GLCCI1: variants seen among roughly 807,000 people sequenced by gnomAD.
The protein encoded by GLCCI1 is glucocorticoid induced 1.
In GLCCI1, 24 loss-of-function variants were observed where a neutral mutation model predicts 52.2. The observed-to-expected ratio is 0.46, with a 90% confidence interval of 0.33 to 0.65. GLCCI1 has a LOEUF of 0.65. Ranked by LOEUF, GLCCI1 falls within the 30% of genes least tolerant of loss-of-function variation. GLCCI1 has a pLI of 0.02. For synonymous variants in GLCCI1, 310 were observed against 276.5 expected, an observed-to-expected ratio of 1.12 and a Z score of -1.20; for missense variants, 704 against 701.5, an observed-to-expected ratio of 1.00 and a Z score of -0.04.
chr7:8,053,532 G>A (rs1460457384), intron 3 of GLCCI1, among the ~76,000 whole-genome samples: 9 of 146,290 alleles, frequency 6.2e-5, no homozygotes, highest in Non-Finnish European at 1.2e-4. Context: ...ATGGGGTTTC[G>A]CCATGTTGGC....
chr7:8,004,862 A>G (rs571657363), intron 2 of GLCCI1, among the ~76,000 whole-genome samples: 2 of 152,320 alleles, frequency 1.3e-5, no homozygotes, highest in East Asian at 3.8e-4. Context: ...GGTTAGGGAA[A>G]TAGAATAATT....
intron 6 of GLCCI1, among the ~76,000 whole-genome samples, chr7:8,077,780 G>A (rs1038918829): frequency 3.9e-5 from 6 of 152,290 alleles, no homozygotes; most frequent in Middle Eastern, 3.4e-3. Context: ...TATTTTGTAG[G>A]AACCTGATTA....
intron 1 of GLCCI1, 54 bp from the exon 2 acceptor site, chr7:8,003,854 C>G: frequency 2.0e-6 from 3 of 1,511,662 alleles, no homozygotes; most frequent in Non-Finnish European, 2.7e-6. Flanking sequence ...AGTTAGATAA[C>G]TTTAAATTTT....
At chr7:8,020,426 C>T (rs1476823) in intron 2 of GLCCI1, among the ~76,000 whole-genome samples, 92,994 of 152,036 alleles carry the variant, frequency 0.61, 29,012 homozygotes, top group African/African-American at 0.74. Flanking sequence ...TCTGAAATAA[C>T]TGAATAAGTT....
chr7:8,035,318 T>C (rs1367014985), intron 3 of GLCCI1, among the ~76,000 whole-genome samples: 2 of 152,164 alleles, frequency 1.3e-5, no homozygotes, highest in African/African-American at 4.8e-5. Context: ...GGAACAGGGT[T>C]CCATCCCAGC....
At chr7:8,085,504 G>A (rs1783086085) in intron 7 of GLCCI1, among the ~76,000 whole-genome samples, 1 of 152,030 alleles carries the variant, frequency 6.6e-6, no homozygotes, top group Non-Finnish European at 1.5e-5. Flanking sequence ...ATTAGAAAAA[G>A]AGGTTCTTGC....
chr7:7,979,331 C>T (rs1326609157), intron 1 of GLCCI1, among the ~76,000 whole-genome samples: 1 of 152,012 alleles, frequency 6.6e-6, no homozygotes, highest in Non-Finnish European at 1.5e-5. Context: ...TTTTAGGTAA[C>T]AAATAGTGGG....
At position 8,089,061 on chromosome 7, in the gene GLCCI1, A is replaced by C. The variant is rs1381406204; in HGVS notation, c.*2523A>C. On this transcript the variant is annotated 3_prime_UTR_variant, in exon 8 of 8. Transcript: ENST00000223145. ...AAGTTCCTGTGTCTTATTTAAATAA[A>C]GTTATTAGTAAAACTGAAATAGTTC... 1 of 152,542 alleles carries C rather than the reference A, an allele frequency of 6.6e-6. No homozygotes were observed. Among genetic ancestry groups the C allele is most frequent in the Non-Finnish European group, 1.5e-5 (1 of 68,048 alleles). The allele number at this position is 152,542 out of a possible 1,614,324, so 9.4% of individuals were successfully genotyped here.
intron 6 of GLCCI1, among the ~76,000 whole-genome samples, chr7:8,084,163 G>A (rs778312065): frequency 6.6e-6 from 1 of 152,138 alleles, no homozygotes; most frequent in Non-Finnish European, 1.5e-5. Flanking sequence ...TTGCCAGGTA[G>A]GAAAGGGAGA....
intron 1 of GLCCI1, chr7:7,981,218 G>A: frequency 3.4e-6 from 1 of 293,228 alleles, no homozygotes; most frequent in South Asian, 3.2e-5. Flanking sequence ...GGGACTGGAA[G>A]ACAGGAGAAA....
At chr7:8,076,264 C>A (rs1313109964) in intron 6 of GLCCI1, among the ~76,000 whole-genome samples, 1 of 152,096 alleles carries the variant, frequency 6.6e-6, no homozygotes, top group Non-Finnish European at 1.5e-5. Flanking sequence ...GCTACCACAC[C>A]TTGAAAAATC....
chr7:8,086,625 C>A lies in GLCCI1; in HGVS notation c.*87C>A. 1 of 948,324 alleles carries A rather than the reference C, an allele frequency of 1.1e-6. No homozygotes were observed. Among genetic ancestry groups the A allele is most frequent in the South Asian group, 1.6e-5 (1 of 62,600 alleles). The allele number at this position is 948,324 out of a possible 1,614,324, so 58.7% of individuals were successfully genotyped here. On this transcript the variant is annotated 3_prime_UTR_variant, in exon 8 of 8. Transcript: ENST00000223145. The surrounding 1 kb of genome is among the most constrained non-coding windows in gnomAD (Gnocchi z 4.4). ...GCATGAGTGACAAACTTTCTGAACA[C>A]CACCACCACCAATAATACTTATCAG... is the stretch of plus-strand genomic sequence containing the variant.
intron 1 of GLCCI1, chr7:7,980,527 C>G: frequency 2.2e-6 from 1 of 464,890 alleles, no homozygotes; most frequent in Non-Finnish European, 3.9e-6. Context: ...TCACAGTATA[C>G]AAAGGTATTT....
chr7:8,022,340 G>T (rs565952108), intron 2 of GLCCI1, 143 bp from the exon 3 acceptor site: 2 of 326,194 alleles, frequency 6.1e-6, no homozygotes, highest in East Asian at 6.0e-5. Flanking sequence ...ATTTCACGGG[G>T]TCACAAAACT....
chr7:7,985,259 GGA>G (rs1395226047), intron 1 of GLCCI1, among the ~76,000 whole-genome samples: 1 of 151,838 alleles, frequency 6.6e-6, no homozygotes, highest in Non-Finnish European at 1.5e-5. Flanking sequence ...AAGGAAGGAG[GGA>G]GAGAGAGAGG....
Position 8,004,142 on chromosome 7 carries a change from A to G in GLCCI1, c.609+83A>G, listed in dbSNP as rs1041007713. Reference sequence around the variant, plus strand: ...AGTAAAGAAAATGTAATATAATCAAATTTCCCCAAATTTGAAATACATCCA... The same window carrying G: ...AGTAAAGAAAATGTAATATAATCAAGTTTCCCCAAATTTGAAATACATCCA... On this transcript the variant is annotated intron_variant, in intron 2 of 7. Coordinates refer to ENST00000223145, the MANE Select transcript of GLCCI1 (RefSeq NM_138426.4). 40 of 1,231,508 alleles carry G rather than the reference A, an allele frequency of 3.2e-5. No homozygotes were observed. In the African/African-American group the frequency reaches 4.7e-4, roughly 14 times the overall value. 76.3% of individuals were successfully genotyped at this position (1,231,508 alleles called of 1,614,324 possible). A position where few individuals can be genotyped will look rare whatever the true frequency, so the allele number is the denominator to read the frequency against.
Position 8,022,566 on chromosome 7 carries a change from A to G in GLCCI1, c.693A>G (p.Lys231=). ...CATGGGGGAGTGCTGATCAACTAAA[A>G]GAGGTAAGTTATTTCTGTTTTCCGT... ...SASWGSADQL[K]EQIAKLRQQL... The change falls in exon 3 of 8, where the codon AAA becomes AAG. Residue 231 remains lysine (K), a synonymous_variant. Coordinates refer to ENST00000223145, the MANE Select transcript of GLCCI1 (RefSeq NM_138426.4). 6.4e-7 allele frequency: 1 copy of G among 1,561,196 alleles called. No individual in the cohort carries two copies. The highest frequency in any genetic ancestry group is 8.7e-7 in the Non-Finnish European group (1 of 1,152,024).
intron 6 of GLCCI1, among the ~76,000 whole-genome samples, chr7:8,079,294 A>ATTTT (rs1562453191): frequency 6.7e-6 from 1 of 150,362 alleles, no homozygotes; most frequent in African/African-American, 2.4e-5. Context: ...TGTTTTTTTA[A>ATTTT]AAACTGATGT....
intron 1 of GLCCI1, chr7:7,980,755 G>A (rs1780597116): frequency 5.9e-6 from 4 of 682,592 alleles, no homozygotes; most frequent in South Asian, 1.7e-5. Context: ...TTACCTTGAT[G>A]GTACCATACA....
Sources: gnomAD v4.1 joint callset for allele counts (sites outside exome capture counted in the v4.1 genomes callset) on GRCh38, gnomAD v4.1.1 for gene constraint, Gnocchi (gnomAD v3.1) non-coding constraint, MANE v1.5 for transcripts, NCBI Gene and HGNC (gene_info 2026-07-23, HGNC 2026-07-21) for gene names.